Variants in NPY2R observed in about 807,000 individuals in gnomAD.
NPY2R encodes the protein neuropeptide Y receptor type 2.
A neutral mutation model predicts 22.3 loss-of-function variants in NPY2R; 17 were observed. That is an observed-to-expected ratio of 0.76 (90% CI 0.52 to 1.14). NPY2R has a LOEUF of 1.14. Ranked by LOEUF, NPY2R falls within the 50% of genes most tolerant of loss-of-function variation. NPY2R has a pLI of 0.00. For missense variants in NPY2R, 424 were observed against 467.9 expected, an observed-to-expected ratio of 0.91 and a Z score of 0.87; for synonymous variants, 209 against 183.4, an observed-to-expected ratio of 1.14 and a Z score of -1.13.
At position 155,214,183 on chromosome 4, in the gene NPY2R, C is replaced by T. The variant is rs1226583792; in HGVS notation, c.244C>T (p.Arg82Cys). 11 of 1,613,770 alleles carry T rather than the reference C, an allele frequency of 6.8e-6. No homozygotes were observed. The highest frequency in any genetic ancestry group is 1.7e-5 in the Admixed American group (1 of 60,004). ...TGTGGTGATCAAATTCAAGAGCATG[C>T]GCACAGTAACCAACTTTTTCATTGC... ...IHVVIKFKSM[R>C]TVTNFFIANL... Residue 82 changes from arginine (R) to cysteine (C), a missense_variant, in exon 2 of 2, where the codon CGC becomes TGC. Coordinates refer to ENST00000329476, the MANE Select transcript of NPY2R (RefSeq NM_000910.4).
the NPY2R span, among the ~76,000 whole-genome samples, chr4:155,203,565 A>G: frequency 2.2e-4 from 33 of 152,240 alleles, no homozygotes; most frequent in African/African-American, 6.7e-4. Context: ...TCAGGTATTA[A>G]CTCCTTCTGC....
At chr4:155,204,517 C>A (rs1337796110), upstream of NPY2R, among the ~76,000 whole-genome samples, 3 of 152,144 alleles carry the variant, frequency 2.0e-5, no homozygotes, top group Non-Finnish European at 4.4e-5. Context: ...TTACTCCCTG[C>A]TGGATTTATG....
upstream of NPY2R, among the ~76,000 whole-genome samples, chr4:155,205,791 G>C (rs779950379): frequency 1.0e-4 from 15 of 148,844 alleles, no homozygotes; most frequent in Admixed American, 2.7e-4. Flanking sequence ...GGAGGCCCAT[G>C]ATGAGTCAGG....
At position 155,216,513 on chromosome 4, in the gene NPY2R, TA is replaced by T. The variant is rs1455736622; in HGVS notation, c.*1431del. 6.0e-6 allele frequency: 1 copy of T among 166,546 alleles called. No individual in the cohort carries two copies. The highest frequency in any genetic ancestry group is 1.5e-5 in the Non-Finnish European group (1 of 68,052). 10.3% of individuals were successfully genotyped at this position (166,546 alleles called of 1,614,324 possible). ...ATGACAGAATTTGTGAATATATTTT[TA>T]AAGCAAAAAACTTCAACATGCATAT... On this transcript the variant is annotated 3_prime_UTR_variant, in exon 2 of 2. Coordinates refer to ENST00000329476, the MANE Select transcript of NPY2R (RefSeq NM_000910.4).
At chr4:155,186,490 T>A in the NPY2R span, among the ~76,000 whole-genome samples, 1 of 152,262 alleles carries the variant, frequency 6.6e-6, no homozygotes, top group Middle Eastern at 3.4e-3. Context: ...TTGTATAGAT[T>A]TACGGTGTAC....
At chr4:155,211,471 T>A (rs1940544785) in intron 1 of NPY2R, among the ~76,000 whole-genome samples, 1 of 152,122 alleles carries the variant, frequency 6.6e-6, no homozygotes, top group South Asian at 2.1e-4. Context: ...TCAGCAGAGA[T>A]GAGGCCAGAG....
upstream of NPY2R, among the ~76,000 whole-genome samples, chr4:155,205,502 G>A (rs1013514377): frequency 2.0e-5 from 3 of 152,078 alleles, no homozygotes; most frequent in African/African-American, 7.2e-5. Context: ...CTTTTTTAAT[G>A]GAGAGCTTTT....
chr4:155,207,304 T>C (rs1729301207), upstream of NPY2R: 1 of 135,348 alleles, frequency 7.4e-6, no homozygotes. Context: ...AACAGATAAA[T>C]ATTTTTTTTC....
At chr4:155,185,224 G>A in the NPY2R span, among the ~76,000 whole-genome samples, 476 of 152,054 alleles carry the variant, frequency 3.1e-3, 1 homozygote, top group African/African-American at 0.011. Flanking sequence ...ATTTTTAGTA[G>A]AGACGGGGTT....
intron 1 of NPY2R, 66 bp from the exon 2 acceptor site, chr4:155,213,826 T>G: frequency 1.1e-6 from 1 of 891,398 alleles, no homozygotes; most frequent in Non-Finnish European, 1.9e-6. Flanking sequence ...GCTTCACCTT[T>G]GTGTTTTCCT....
chr4:155,181,791 GCAACC>G, the NPY2R span, among the ~76,000 whole-genome samples: 1 of 152,072 alleles, frequency 6.6e-6, no homozygotes, highest in Non-Finnish European at 1.5e-5. Context: ...TTTTGTTTTG[GCAACC>G]CAAATGGACT....
At chr4:155,213,753 A>G in intron 1 of NPY2R, 139 bp from the exon 2 acceptor site, 1 of 617,288 alleles carries the variant, frequency 1.6e-6, no homozygotes, top group Non-Finnish European at 2.9e-6. Flanking sequence ...GCACAATTTT[A>G]GAGAGTAGAG....
the NPY2R span, among the ~76,000 whole-genome samples, chr4:155,193,351 G>A: frequency 6.6e-6 from 1 of 151,870 alleles, no homozygotes; most frequent in Non-Finnish European, 1.5e-5. Flanking sequence ...AATCCAGGCA[G>A]GCTAAGTCCC....
chr4:155,177,131 A>G, the NPY2R span, among the ~76,000 whole-genome samples: 1 of 152,212 alleles, frequency 6.6e-6, no homozygotes, highest in African/African-American at 2.4e-5. Context: ...ATTCCATCCC[A>G]GTAGTCTCCA....
the NPY2R span, among the ~76,000 whole-genome samples, chr4:155,199,824 A>T: frequency 3.3e-5 from 5 of 152,152 alleles, no homozygotes; most frequent in East Asian, 9.6e-4. Context: ...CTGAAACTGG[A>T]CCCCTTCCTT....
the NPY2R span, among the ~76,000 whole-genome samples, chr4:155,193,985 G>C: frequency 3.9e-5 from 6 of 151,916 alleles, no homozygotes; most frequent in Non-Finnish European, 5.9e-5. Flanking sequence ...GTGTCAAAGA[G>C]AGACACACAG....
At chr4:155,194,203 A>G in the NPY2R span, among the ~76,000 whole-genome samples, 1 of 151,968 alleles carries the variant, frequency 6.6e-6, no homozygotes, top group East Asian at 1.9e-4. Flanking sequence ...ACTGTACAGC[A>G]TAGTCTTTAT....
At chr4:155,177,455 C>T in the NPY2R span, among the ~76,000 whole-genome samples, 1 of 152,054 alleles carries the variant, frequency 6.6e-6, no homozygotes, top group Non-Finnish European at 1.5e-5. Flanking sequence ...ATCTTTGACT[C>T]CATGTCGAAC....
chr4:155,183,540 G>T, the NPY2R span, among the ~76,000 whole-genome samples: 3 of 152,174 alleles, frequency 2.0e-5, no homozygotes, highest in African/African-American at 7.2e-5. Flanking sequence ...TCTGGAAGAA[G>T]AGATGGCCAG....
Sources: gnomAD v4.1 joint callset for allele counts (sites outside exome capture counted in the v4.1 genomes callset) on GRCh38, gnomAD v4.1.1 for gene constraint, MANE v1.5 for transcripts, NCBI Gene and HGNC (gene_info 2026-07-23, HGNC 2026-07-21) for gene names.